LANCL3: variants seen among roughly 807,000 people sequenced by gnomAD.
LANCL3 encodes LanC like family member 3.
Under a neutral mutation model 26.5 loss-of-function variants are expected in LANCL3, and 19 were observed. The ratio of observed to expected loss-of-function variants is 0.72; its 90% CI spans 0.50 to 1.05. LANCL3 has a LOEUF of 1.05. Ranked by LOEUF, LANCL3 falls within the 50% of genes least tolerant of loss-of-function variation. LANCL3 has a pLI of 0.00. For synonymous variants in LANCL3, 160 were observed against 166.6 expected (o/e 0.96, Z 0.30); for missense variants, 318 against 362.7 (o/e 0.88, Z 1.00).
chrX:37,604,845 T>C (rs1157759174), intron 1 of LANCL3, among the ~76,000 whole-genome samples: 2 of 112,641 alleles, frequency 1.8e-5, no homozygotes, highest in African/African-American at 6.5e-5. Flanking sequence ...CACTTTTTGA[T>C]GGAAGGAGCT....
At chrX:37,584,452 CT>C (rs782742653) in intron 1 of LANCL3, among the ~76,000 whole-genome samples, 4 of 109,709 alleles carry the variant, frequency 3.6e-5, no homozygotes, top group Non-Finnish European at 7.6e-5. Flanking sequence ...TGGTCCTGGA[CT>C]TTTTTTTGTT....
chrX:37,652,909 G>A (rs1455829091), intron 1 of LANCL3, among the ~76,000 whole-genome samples: 1 of 111,503 alleles, frequency 9.0e-6, no homozygotes, highest in Non-Finnish European at 1.9e-5. Context: ...CTGTTTGTTC[G>A]GGGGCGAAAA....
rs1312865037 is a variant in LANCL3 at position 37,682,685 on chromosome X, C to T, written c.*6872C>T. The T allele has an allele frequency of 1.8e-5, 2 of 112,083 alleles. No homozygotes were observed. Among genetic ancestry groups the T allele is most frequent in the African/African-American group, 3.2e-5 (1 of 30,831 alleles). The allele number at this position is 112,083 out of a possible 1,213,427, so 9.2% of individuals were successfully genotyped here. A position where few individuals can be genotyped will look rare whatever the true frequency, so the allele number is the denominator to read the frequency against. On this transcript the variant is annotated 3_prime_UTR_variant, in exon 5 of 5. Transcript: ENST00000378619. The stretch of plus-strand genomic sequence containing the variant: ...AACATGTGGATTGATTTAGATCATC[C>T]GTTTTGTCTTTGTTTTTTAGGACTT...
chrX:37,662,435 G>T (rs782259911), intron 3 of LANCL3, among the ~76,000 whole-genome samples: 1 of 111,700 alleles, frequency 9.0e-6, no homozygotes, highest in South Asian at 3.8e-4. Context: ...AAAGCTCTTG[G>T]GTAGGTGACT....
intron 4 of LANCL3, among the ~76,000 whole-genome samples, chrX:37,671,896 G>T (rs1471057077): frequency 9.0e-6 from 1 of 111,626 alleles, no homozygotes; most frequent in East Asian, 2.8e-4. Flanking sequence ...TAATATAATT[G>T]ATTCATGGTT....
chrX:37,669,602 C>T (rs782439927), intron 4 of LANCL3, among the ~76,000 whole-genome samples: 1 of 111,716 alleles, frequency 9.0e-6, no homozygotes, highest in Non-Finnish European at 1.9e-5. Flanking sequence ...CCTTCACTTC[C>T]TACCATGATT....
At chrX:37,591,348 A>G (rs1471793148) in intron 1 of LANCL3, among the ~76,000 whole-genome samples, 10 of 111,834 alleles carry the variant, frequency 8.9e-5, no homozygotes, top group Non-Finnish European at 1.7e-4. Flanking sequence ...TTCAGGAATT[A>G]GAGGTTCTAG....
In LANCL3 at chrX:37,572,002, A is replaced by G. The variant is rs1556415545; in HGVS notation, c.132A>G (p.Pro44=). 1.7e-6 allele frequency: 2 copies of G among 1,186,367 alleles called. No individual in the cohort carries two copies. The highest frequency in any genetic ancestry group is 3.7e-5 in the South Asian group (2 of 54,484). ...TIERILQELP[P]LGGGAEARGA... is the part of the protein sequence containing the mutation. ...AGCGCATCCTCCAGGAGCTTCCCCCACTCGGGGGCGGCGCGGAGGCCCGAG... is the reference window on the plus strand; with the variant it reads ...AGCGCATCCTCCAGGAGCTTCCCCCGCTCGGGGGCGGCGCGGAGGCCCGAG... The change falls in exon 1 of 5, where the codon CCA becomes CCG. Residue 44 remains proline, a synonymous_variant. Transcript: ENST00000378619.
At chrX:37,595,613 A>T (rs1489728930) in intron 1 of LANCL3, among the ~76,000 whole-genome samples, 1 of 112,493 alleles carries the variant, frequency 8.9e-6, no homozygotes, top group Non-Finnish European at 1.9e-5. Flanking sequence ...CTGTGCTGAC[A>T]AGTAGAACTC....
At chrX:37,578,013 A>G (rs781960386) in intron 1 of LANCL3, among the ~76,000 whole-genome samples, 14 of 112,228 alleles carry the variant, frequency 1.2e-4, no homozygotes, top group Admixed American at 1.9e-4. Context: ...TCAGCAACTC[A>G]GGAGAGTTAT....
chrX:37,646,163 T>C (rs782353757), intron 1 of LANCL3, among the ~76,000 whole-genome samples: 1 of 113,104 alleles, frequency 8.8e-6, no homozygotes, highest in Non-Finnish European at 1.9e-5. Flanking sequence ...ATTATTAAGA[T>C]TCCATGTTTC....
At chrX:37,585,852 T>G (rs1481108105) in intron 1 of LANCL3, among the ~76,000 whole-genome samples, 8 of 111,731 alleles carry the variant, frequency 7.2e-5, no homozygotes, top group East Asian at 5.6e-4. Context: ...ATGTTAGCTG[T>G]TTATTTTGCT....
chrX:37,630,046 G>A (rs1270540764), intron 1 of LANCL3, among the ~76,000 whole-genome samples: 8 of 111,512 alleles, frequency 7.2e-5, no homozygotes, highest in Admixed American at 1.9e-4. Context: ...TGGGCAGTAT[G>A]GCCATTTTCA....
chrX:37,583,499 G>A (rs782155461), intron 1 of LANCL3, among the ~76,000 whole-genome samples: 1 of 111,625 alleles, frequency 9.0e-6, no homozygotes, highest in East Asian at 2.8e-4. Context: ...TCATTGAGCA[G>A]TGGTTTGTAG....
chrX:37,632,916 C>A (rs374351173), intron 1 of LANCL3, among the ~76,000 whole-genome samples: 23,625 of 108,766 alleles, frequency 0.22, 2,437 homozygotes, highest in African/African-American at 0.38. Context: ...TTTGGTGAAT[C>A]TGACAATTAT....
intron 1 of LANCL3, among the ~76,000 whole-genome samples, chrX:37,604,542 G>A (rs1452900196): frequency 8.9e-6 from 1 of 112,005 alleles, no homozygotes; most frequent in African/African-American, 3.2e-5. Context: ...GTCAGGCTTG[G>A]CTTATTTGGG....
At chrX:37,667,963 C>T (rs1003026358) in intron 4 of LANCL3, among the ~76,000 whole-genome samples, 1 of 110,500 alleles carries the variant, frequency 9.0e-6, no homozygotes, top group Non-Finnish European at 1.9e-5. Context: ...TCACTAATTA[C>T]CAGAGGATGG....
In LANCL3 at chrX:37,678,966, T is replaced by C. The variant is rs1396697765; in HGVS notation, c.*3153T>C. The C allele has an allele frequency of 5.4e-5, 6 of 111,676 alleles. No homozygotes were observed. Among genetic ancestry groups the C allele is most frequent in the African/African-American group, 9.8e-5 (3 of 30,746 alleles). The allele number at this position is 111,676 out of a possible 1,213,427, so 9.2% of individuals were successfully genotyped here. On this transcript the variant is annotated 3_prime_UTR_variant, in exon 5 of 5. Transcript: ENST00000378619. ...ACCTCAGTAACTTCAATGAAACAAA[T>C]GGGTTTGTGATTTCTAGCCATGTTA...
chrX:37,662,030 C>G (rs782663636), intron 3 of LANCL3, among the ~76,000 whole-genome samples: 53 of 112,394 alleles, frequency 4.7e-4, no homozygotes, highest in Non-Finnish European at 8.3e-4. Flanking sequence ...GTCTCTTTAT[C>G]TGTGAAATGA....
Sources: allele counts gnomAD v4.1 joint callset (sites outside exome capture counted in the v4.1 genomes callset), GRCh38; gene constraint gnomAD v4.1.1; transcripts MANE v1.5; gene names NCBI Gene and HGNC (gene_info 2026-07-23, HGNC 2026-07-21).